Variants in ZNF609 observed in about 807,000 individuals in gnomAD.
The protein encoded by ZNF609 is zinc finger protein 609.
In ZNF609, 11 loss-of-function variants were observed where a neutral mutation model predicts 109.5. The ratio of observed to expected loss-of-function variants is 0.10; its 90% confidence interval spans 0.06 to 0.17. The LOEUF (loss-of-function observed/expected upper bound fraction) is 0.17, where lower values mean the gene tolerates loss of function less well. Ranked by LOEUF, ZNF609 falls within the 10% of genes least tolerant of loss-of-function variation. The pLI is 1.00. For synonymous variants in ZNF609, 646 were observed against 662.0 expected (o/e 0.98, Z 0.37); for missense variants, 1,559 against 1,772.4 (o/e 0.88, Z 2.16).
In ZNF609 at chr15:64,460,582, G is replaced by A. The variant is rs1464296223; in HGVS notation, c.-384G>A. ...CCGCGTCTTCCGGGTGACTCTGGTT[G>A]TCCCGGATCGCGGCGGCGGCGGCGG... On this transcript the variant is annotated 5_prime_UTR_variant, in exon 1 of 10. Coordinates refer to ENST00000326648, the MANE Select transcript of ZNF609 (RefSeq NM_015042.2). 6.6e-6 allele frequency among the ~76,000 whole-genome samples: 1 copy of A among 152,016 alleles called. No individual in the cohort carries two copies. The highest frequency in any genetic ancestry group is 1.5e-5 in the Non-Finnish European group (1 of 67,998).
rs1595699779 is a variant in ZNF609 at position 64,499,362 on chromosome 15, T to C, written c.-58T>C. 2 of 1,571,286 alleles carry C rather than the reference T, an allele frequency of 1.3e-6. No individual in the cohort carries two copies. Among genetic ancestry groups the C allele is most frequent in the African/African-American group, 1.4e-5 (1 of 73,628 alleles). On this transcript the variant is annotated 5_prime_UTR_variant, in exon 2 of 10. Transcript: ENST00000326648. ...CTGAGAACATAGCTGAAGCTGAAAA[T>C]AGGAAAGCTGGGGGCAAGGAAGAGC...
chr15:64,469,867 A>C (rs1893070118), intron 1 of ZNF609, among the ~76,000 whole-genome samples: 1 of 152,186 alleles, frequency 6.6e-6, no homozygotes, highest in Non-Finnish European at 1.5e-5. Context: ...GTGAGAAGGA[A>C]GTTGTACCTG....
chr15:64,630,887 T>C (rs772326878), intron 3 of ZNF609, among the ~76,000 whole-genome samples: 3 of 152,252 alleles, frequency 2.0e-5, no homozygotes, highest in African/African-American at 4.8e-5. Flanking sequence ...AAATAATATT[T>C]GGCTGTTTTC....
chr15:64,579,109 TTA>T (rs1895050320), intron 2 of ZNF609, among the ~76,000 whole-genome samples: 1 of 152,046 alleles, frequency 6.6e-6, no homozygotes, highest in African/African-American at 2.4e-5. Flanking sequence ...TGCTATTTTT[TTA>T]TGTCTTTTTT....
chr15:64,619,485 A>G (rs1007898500), intron 2 of ZNF609, among the ~76,000 whole-genome samples: 1 of 152,212 alleles, frequency 6.6e-6, no homozygotes, highest in Admixed American at 6.5e-5. Context: ...ACAGAGCTGG[A>G]GCTGTAATTA....
chr15:64,632,638 T>A (rs980325550), intron 3 of ZNF609, among the ~76,000 whole-genome samples: 1 of 151,866 alleles, frequency 6.6e-6, no homozygotes, highest in African/African-American at 2.4e-5. Context: ...TGGCTGATTT[T>A]TTTTGTATTT....
intron 3 of ZNF609, among the ~76,000 whole-genome samples, chr15:64,626,752 T>C (rs562813271): frequency 1.3e-5 from 2 of 152,232 alleles, no homozygotes; most frequent in Non-Finnish European, 2.9e-5. Flanking sequence ...CATTTTTAAA[T>C]TCCTGCAGAT....
intron 2 of ZNF609, among the ~76,000 whole-genome samples, chr15:64,600,443 G>T (rs1895476361): frequency 7.9e-6 from 1 of 126,714 alleles, no homozygotes; most frequent in African/African-American, 3.0e-5. Flanking sequence ...GTGCGAGGCT[G>T]TGTCTCAAAA....
chr15:64,513,327 A>C (rs1419233777), intron 2 of ZNF609, among the ~76,000 whole-genome samples: 1 of 152,254 alleles, frequency 6.6e-6, no homozygotes, highest in Admixed American at 6.5e-5. Flanking sequence ...TGTTTTAGAT[A>C]AAATATGCCA....
At chr15:64,537,155 G>A (rs1894163462) in intron 2 of ZNF609, among the ~76,000 whole-genome samples, 1 of 148,116 alleles carries the variant, frequency 6.8e-6, no homozygotes, top group East Asian at 2.0e-4. Context: ...CCTGGGAGGT[G>A]GAGATTACAG....
At chr15:64,592,933 T>C in intron 2 of ZNF609, 1 of 830,906 alleles carries the variant, frequency 1.2e-6, no homozygotes. Flanking sequence ...CATAAATAAA[T>C]AAAATAAAAA....
At chr15:64,623,100 AG>A in intron 3 of ZNF609, 48 bp downstream of exon 3, 1 of 1,572,950 alleles carries the variant, frequency 6.4e-7, no homozygotes, top group Non-Finnish European at 8.7e-7. Context: ...CTGCTTCTGC[AG>A]GGGAGCCACC....
chr15:64,566,991 C>T (rs1358942659), intron 2 of ZNF609, among the ~76,000 whole-genome samples: 1 of 152,100 alleles, frequency 6.6e-6, no homozygotes, highest in Non-Finnish European at 1.5e-5. Context: ...AATCTGACTC[C>T]TGGAAAGAGT....
chr15:64,555,886 CAAAAAAAAAAAAA>C (rs963732035), intron 2 of ZNF609, among the ~76,000 whole-genome samples: 1 of 38,936 alleles, frequency 2.6e-5, no homozygotes, highest in African/African-American at 8.8e-5. Context: ...GACTCTGTCT[CAAAAAAAAAAAAA>C]AAAAAAAAAA....
intron 2 of ZNF609, among the ~76,000 whole-genome samples, chr15:64,509,409 A>G (rs1003395342): frequency 1.3e-5 from 2 of 152,238 alleles, no homozygotes; most frequent in Non-Finnish European, 2.9e-5. Context: ...TAAGTAACCA[A>G]TAAATGTTAG....
At chr15:64,505,892 A>G (rs973186530) in intron 2 of ZNF609, among the ~76,000 whole-genome samples, 6 of 152,034 alleles carry the variant, frequency 3.9e-5, no homozygotes, top group Non-Finnish European at 8.8e-5. Flanking sequence ...TCCTGGCTTG[A>G]GCCTGGGAGG....
chr15:64,607,058 C>A (rs1218217009), intron 2 of ZNF609, among the ~76,000 whole-genome samples: 1 of 152,006 alleles, frequency 6.6e-6, no homozygotes, highest in African/African-American at 2.4e-5. Flanking sequence ...GCAGGAGAAT[C>A]GCTTGAACTC....
chr15:64,592,899 C>T (rs970861499), intron 2 of ZNF609: 6 of 711,686 alleles, frequency 8.4e-6, no homozygotes, highest in Non-Finnish European at 7.1e-6. Flanking sequence ...GGCAACAGAG[C>T]AAGACTCTTG....
chr15:64,596,249 G>A (rs1186879511), intron 2 of ZNF609, among the ~76,000 whole-genome samples: 1 of 152,082 alleles, frequency 6.6e-6, no homozygotes, highest in Non-Finnish European at 1.5e-5. Flanking sequence ...TGCCTCTCAG[G>A]TTCAAGCACT....
Sources: gnomAD v4.1 joint callset for allele counts (sites outside exome capture counted in the v4.1 genomes callset) on GRCh38, gnomAD v4.1.1 for gene constraint, MANE v1.5 for transcripts, NCBI Gene and HGNC (gene_info 2026-07-23, HGNC 2026-07-21) for gene names.